Variants in SGIP1 observed in about 807,000 individuals in gnomAD.
The protein encoded by SGIP1 is SH3GL interacting endocytic adaptor 1, also known as SH3-containing GRB2-like protein 3-interacting protein 1.
Under a neutral mutation model 107.5 loss-of-function variants are expected in SGIP1, and 38 were observed. The ratio of observed to expected loss-of-function variants is 0.35; its 90% CI spans 0.27 to 0.46. The LOEUF is 0.46. Among genes scored for constraint, SGIP1 ranks in the 20% least tolerant of loss-of-function variants. SGIP1 has a pLI of 1.00. For synonymous variants in SGIP1, 365 were observed against 366.1 expected (o/e 1.00, Z 0.03); for missense variants, 929 against 1,019.5 (o/e 0.91, Z 1.21).
intron 1 of SGIP1, among the ~76,000 whole-genome samples, chr1:66,615,558 G>A (rs1364195858): frequency 6.6e-6 from 1 of 152,154 alleles, no homozygotes; most frequent in African/African-American, 2.4e-5. Flanking sequence ...ATATGAAAAG[G>A]AAAGGGCATA....
At chr1:66,635,897 G>A in intron 3 of SGIP1, 47 bp from the exon 4 acceptor site, 5 of 1,578,940 alleles carry the variant, frequency 3.2e-6, no homozygotes, top group Non-Finnish European at 4.3e-6. Context: ...TGAAGAACAA[G>A]CAGATCTTTT....
chr1:66,678,184 C>T (rs2085816729), intron 13 of SGIP1, among the ~76,000 whole-genome samples: 1 of 152,208 alleles, frequency 6.6e-6, no homozygotes, highest in Admixed American at 6.5e-5. Context: ...CAAAACAAAA[C>T]TAGTGAAAAA....
rs1536113 is a variant in SGIP1 at position 66,641,632 on chromosome 1, T to A, written c.229-1178T>A. The stretch of plus-strand genomic sequence containing the variant: ...TTTTCCCCCTTGATAAATGGGATAA[T>A]TCTTTTCACATATGCTTGTTATGTG... On this transcript the variant is annotated intron_variant, in intron 5 of 24. Coordinates refer to ENST00000371037, the MANE Select transcript of SGIP1 (RefSeq NM_032291.4). Among the ~76,000 whole-genome samples, 72 of 152,328 alleles carry A rather than the reference T, an allele frequency of 4.7e-4. No homozygotes were observed. The South Asian group carries it at 0.015, about 31-fold the overall frequency.
chr1:66,551,938 G>A (rs2057476161), intron 1 of SGIP1, among the ~76,000 whole-genome samples: 1 of 152,134 alleles, frequency 6.6e-6, no homozygotes, highest in African/African-American at 2.4e-5. Flanking sequence ...ACTTATCAGT[G>A]TACCAGGCTC....
In SGIP1 at chr1:66,741,934, A is replaced by AT. The variant is rs1219863114; in HGVS notation, c.2464+504dup. Reference sequence around the variant, plus strand: ...AGGCGCCCACCACCACGCATGGCTAATTTTTTGTATTTTAGTAGAGACGGG... The same window carrying AT: ...AGGCGCCCACCACCACGCATGGCTAATTTTTTTGTATTTTAGTAGAGACGGG... On this transcript the variant is annotated intron_variant, in intron 24 of 24. Transcript: ENST00000371037. Among the ~76,000 whole-genome samples, 3 of 151,928 alleles carry AT rather than the reference A, an allele frequency of 2.0e-5. No individual in the cohort carries two copies. The South Asian group carries it at 6.2e-4, about 32-fold the overall frequency.
At chr1:66,695,224 T>G (rs1475380976) in intron 17 of SGIP1, 1 of 1,035,676 alleles carries the variant, frequency 9.7e-7, no homozygotes, top group East Asian at 2.7e-5. Flanking sequence ...TAGGCCTCCA[T>G]AGCTTTGCTT....
At chr1:66,701,957 T>C (rs941199403) in intron 18 of SGIP1, among the ~76,000 whole-genome samples, 2 of 152,228 alleles carry the variant, frequency 1.3e-5, no homozygotes, top group East Asian at 1.9e-4. Context: ...ATTCCAAGCA[T>C]GTCACCATGC....
intron 1 of SGIP1, among the ~76,000 whole-genome samples, chr1:66,610,848 T>C (rs1008839166): frequency 2.6e-5 from 4 of 152,190 alleles, no homozygotes; most frequent in African/African-American, 9.7e-5. Flanking sequence ...CTGGATGGAA[T>C]TGGAGACCAT....
upstream of SGIP1, among the ~76,000 whole-genome samples, chr1:66,533,992 G>C (rs2052973950): frequency 6.6e-6 from 1 of 151,256 alleles, no homozygotes; most frequent in Admixed American, 6.6e-5. Context: ...GGGTGGAGGG[G>C]AATGGGGACG....
rs1191606606 is a variant in SGIP1 at position 66,630,801 on chromosome 1, CGGAAAGAAAGAAAGAAAGAAAGAA to C, written c.75-2268_75-2245del. 3.8e-3 allele frequency among the ~76,000 whole-genome samples: 219 copies of C among 58,006 alleles called. 20 individuals carry two copies. The highest frequency in any genetic ancestry group is 0.016 in the East Asian group (19 of 1,222). The allele number at this position is 58,006 out of a possible 152,430, so 38.1% of individuals were successfully genotyped here. ...AGCCTGGGTGACAAGAGCAAAACTC[CGGAAAGAAAGAAAGAAAGAAAGAA>C]AGAAAGAAAGAAAGAAAGAAAGAAA... On this transcript the variant is annotated intron_variant, in intron 2 of 24. Transcript: ENST00000371037.
chr1:66,606,487 A>G (rs1171165172), intron 1 of SGIP1, among the ~76,000 whole-genome samples: 3 of 152,194 alleles, frequency 2.0e-5, no homozygotes, highest in Non-Finnish European at 4.4e-5. Context: ...GTGTAATAGG[A>G]ACAGATGGAT....
At chr1:66,694,497 G>C (rs764960430) in intron 17 of SGIP1, 3 of 1,602,596 alleles carry the variant, frequency 1.9e-6, no homozygotes, top group Non-Finnish European at 2.6e-6. Context: ...GCTGTGAAAC[G>C]CCTGCAGGTA....
At chr1:66,647,504 G>A (rs1387473964) in intron 7 of SGIP1, among the ~76,000 whole-genome samples, 3 of 152,146 alleles carry the variant, frequency 2.0e-5, no homozygotes, top group Non-Finnish European at 4.4e-5. Flanking sequence ...GCTATTGGTG[G>A]ACTTTGACAG....
At chr1:66,714,682 G>T (rs1404981815) in intron 18 of SGIP1, among the ~76,000 whole-genome samples, 1 of 152,044 alleles carries the variant, frequency 6.6e-6, no homozygotes, top group Non-Finnish European at 1.5e-5. Context: ...CAGACATTAT[G>T]CAGTCTATTG....
chr1:66,595,405 C>T lies in SGIP1; in HGVS notation c.11-30442C>T, dbSNP rs141682427. Among the ~76,000 whole-genome samples, 315 of 152,240 alleles carry T rather than the reference C, an allele frequency of 2.1e-3. 1 individual carries two copies. Among genetic ancestry groups the T allele is most frequent in the African/African-American group, 6.7e-3 (277 of 41,534 alleles). The stretch of plus-strand genomic sequence containing the variant: ...CTGGAAGTAAAATGTATTTGTGATC[C>T]GGGGAATAGGCCACAAAGAAGTCAT... On this transcript the variant is annotated intron_variant, in intron 1 of 24. Coordinates refer to ENST00000371037, the MANE Select transcript of SGIP1 (RefSeq NM_032291.4).
chr1:66,541,618 T>C (rs11208903), intron 1 of SGIP1, among the ~76,000 whole-genome samples: 104,939 of 152,082 alleles, frequency 0.69, 36,752 homozygotes, highest in East Asian at 1. Flanking sequence ...TACCAAAAAC[T>C]TTCATTTTTA....
At chr1:66,578,947 G>T (rs10889633) in intron 1 of SGIP1, among the ~76,000 whole-genome samples, 51,282 of 151,968 alleles carry the variant, frequency 0.34, 9,304 homozygotes, top group African/African-American at 0.48. Context: ...CATGGTATTT[G>T]TTTGTAGTGA....
At chr1:66,623,724 C>A (rs2071835798) in intron 1 of SGIP1, among the ~76,000 whole-genome samples, 1 of 152,160 alleles carries the variant, frequency 6.6e-6, no homozygotes, top group Non-Finnish European at 1.5e-5. Context: ...TGAAGGTGTG[C>A]AGATTCTTTC....
chr1:66,581,987 A>G (rs1013320499), intron 1 of SGIP1, among the ~76,000 whole-genome samples: 6 of 152,132 alleles, frequency 3.9e-5, no homozygotes, highest in Non-Finnish European at 8.8e-5. Context: ...ATTGAACTAT[A>G]TCTCTGAGAC....
Sources: allele counts gnomAD v4.1 joint callset (sites outside exome capture counted in the v4.1 genomes callset), GRCh38; gene constraint gnomAD v4.1.1; transcripts MANE v1.5; gene names NCBI Gene and HGNC (gene_info 2026-07-23, HGNC 2026-07-21).